ANTXR2: variants seen among roughly 807,000 people sequenced by gnomAD.
The protein encoded by ANTXR2 is ANTXR cell adhesion molecule 2.
Under a neutral mutation model 73.7 loss-of-function variants are expected in ANTXR2, and 44 were observed. The observed-to-expected ratio is 0.60, with a 90% CI of 0.47 to 0.77. The LOEUF (loss-of-function observed/expected upper bound fraction) is 0.77, where lower values mean the gene tolerates loss of function less well. Ranked by LOEUF, ANTXR2 falls within the 30% of genes least tolerant of loss-of-function variation. The probability of loss-of-function intolerance (pLI) is 0.00; values close to 1 mark genes in which losing one functional copy is unlikely to be tolerated. For missense variants in ANTXR2, 604 were observed against 592.5 expected, an observed-to-expected ratio of 1.02 and a Z score of -0.20; for synonymous variants, 217 against 205.9, an observed-to-expected ratio of 1.05 and a Z score of -0.46.
Position 80,035,990 on chromosome 4 carries a change from A to T in ANTXR2, c.679T>A (p.Ser227Thr). The change falls in exon 8 of 17, where the codon TCA becomes ACA. Residue 227 changes from serine to threonine, a missense_variant. By Grantham distance (58) the Ser-to-Thr change is moderately conservative. Coordinates refer to ENST00000403729, the MANE Select transcript of ANTXR2 (RefSeq NM_058172.6). Reference protein sequence around the residue: ...SCTEILELQPSSVCVGEEFQI... With the variant: ...SCTEILELQPTSVCVGEEFQI... Reference sequence around the variant, plus strand: ...CACTTACCCCCCACACAGACACTTGAGGGCTGCAATTCTAGGATTTCAGTA... The same window carrying T: ...CACTTACCCCCCACACAGACACTTGTGGGCTGCAATTCTAGGATTTCAGTA... The T allele has an allele frequency of 6.5e-7, 1 of 1,539,958 alleles. No homozygotes were observed.
chr4:80,042,949 GA>G (rs1733342310), intron 7 of ANTXR2, among the ~76,000 whole-genome samples: 1 of 152,036 alleles, frequency 6.6e-6, no homozygotes. Flanking sequence ...ATAAAGGTAT[GA>G]ACTTCCAGGA....
intron 7 of ANTXR2, among the ~76,000 whole-genome samples, chr4:80,047,966 T>C (rs1174477874): frequency 2.6e-5 from 4 of 151,662 alleles, no homozygotes; most frequent in African/African-American, 9.7e-5. Context: ...GAAACATAAA[T>C]ATGAGGATGA....
At chr4:79,972,768 G>T (rs1273475923) in intron 16 of ANTXR2, among the ~76,000 whole-genome samples, 2 of 11,044 alleles carry the variant, frequency 1.8e-4, no homozygotes, top group African/African-American at 3.5e-4. Flanking sequence ...TGGGGACTGT[G>T]GTGGGGTCGG....
In ANTXR2 at chr4:80,056,309, C is replaced by T. The variant is rs564046414; in HGVS notation, c.297-296G>A. On this transcript the variant is annotated intron_variant, in intron 3 of 16. Coordinates refer to ENST00000403729, the MANE Select transcript of ANTXR2 (RefSeq NM_058172.6). ...ACAGATATCTTCAATCACTCGTTTT[C>T]CTAAAAGGAGTAAAATATACCTTCC... Among the ~76,000 whole-genome samples, 9 of 151,916 alleles carry T rather than the reference C, an allele frequency of 5.9e-5. No homozygotes were observed. In the South Asian group the frequency reaches 1.9e-3, roughly 32 times the overall value.
intron 16 of ANTXR2, among the ~76,000 whole-genome samples, chr4:79,956,714 C>T (rs1399502271): frequency 6.6e-6 from 1 of 152,060 alleles, no homozygotes; most frequent in Non-Finnish European, 1.5e-5. Flanking sequence ...CCCTCAACAA[C>T]TACAATACCT....
intron 3 of ANTXR2, among the ~76,000 whole-genome samples, chr4:80,059,136 T>C (rs1212113669): frequency 2.6e-5 from 4 of 152,086 alleles, no homozygotes; most frequent in African/African-American, 7.2e-5. Flanking sequence ...CTTCTTTTTA[T>C]ATTTTATTAA....
intron 16 of ANTXR2, among the ~76,000 whole-genome samples, chr4:79,918,753 G>A (rs916819709): frequency 1.1e-4 from 17 of 151,858 alleles, no homozygotes; most frequent in African/African-American, 3.9e-4. Flanking sequence ...AAGAAATAGA[G>A]AAACAGAATA....
chr4:79,985,022 G>C (rs1436370198), intron 12 of ANTXR2, among the ~76,000 whole-genome samples, 159 bp from the exon 13 acceptor site: 1 of 152,058 alleles, frequency 6.6e-6, no homozygotes, highest in Non-Finnish European at 1.5e-5. Flanking sequence ...TTGAATCTTG[G>C]ATTGCCTGTA....
intron 12 of ANTXR2, among the ~76,000 whole-genome samples, chr4:79,995,364 C>A (rs1169997607): frequency 1.3e-5 from 2 of 151,620 alleles, no homozygotes; most frequent in African/African-American, 4.8e-5. Context: ...ATGTATAAGT[C>A]AAATATTGAG....
At chr4:80,028,346 C>G (rs1232746401) in intron 10 of ANTXR2, among the ~76,000 whole-genome samples, 2 of 152,084 alleles carry the variant, frequency 1.3e-5, no homozygotes, top group Non-Finnish European at 2.9e-5. Flanking sequence ...AGCTACTCGG[C>G]TACATTCTTA....
chr4:79,947,756 C>A (rs1728568675), intron 16 of ANTXR2, among the ~76,000 whole-genome samples: 1 of 152,090 alleles, frequency 6.6e-6, no homozygotes, highest in East Asian at 1.9e-4. Flanking sequence ...CTTTTAAGTA[C>A]CTTGTCAGTA....
At chr4:79,944,334 T>C (rs1728435775) in intron 16 of ANTXR2, among the ~76,000 whole-genome samples, 1 of 112,996 alleles carries the variant, frequency 8.8e-6, no homozygotes, top group Non-Finnish European at 1.8e-5. Flanking sequence ...TTGTTATCCA[T>C]TGTGACTAAA....
At chr4:79,913,986 T>C (rs541534651) in intron 16 of ANTXR2, among the ~76,000 whole-genome samples, 1 of 152,320 alleles carries the variant, frequency 6.6e-6, no homozygotes, top group South Asian at 2.1e-4. Flanking sequence ...GTAAACTATC[T>C]GTATATATAG....
Position 79,978,163 on chromosome 4 carries a change from A to G in ANTXR2, c.1191T>C (p.Gly397=). The change falls in exon 15 of 17, where the codon GGT becomes GGC. Residue 397 remains glycine, a synonymous_variant. Coordinates refer to ENST00000403729, the MANE Select transcript of ANTXR2 (RefSeq NM_058172.6). ...GGIKRMEVRW[G]DKGSTEEGAR... Reference sequence around the variant, plus strand: ...CACCTTCCTCAGTAGATCCTTTATCACCCCAACGAACCTGTAAAACAAAGG... The same window carrying G: ...CACCTTCCTCAGTAGATCCTTTATCGCCCCAACGAACCTGTAAAACAAAGG... The G allele has an allele frequency of 3.1e-6, 5 of 1,613,548 alleles. No homozygotes were observed. Among genetic ancestry groups the G allele is most frequent in the Non-Finnish European group, 4.2e-6 (5 of 1,179,734 alleles).
At chr4:79,959,204 A>C (rs1729052144) in intron 16 of ANTXR2, among the ~76,000 whole-genome samples, 1 of 152,100 alleles carries the variant, frequency 6.6e-6, no homozygotes, top group Non-Finnish European at 1.5e-5. Flanking sequence ...AAAATTAATC[A>C]TCCAAACTGA....
intron 12 of ANTXR2, among the ~76,000 whole-genome samples, chr4:79,987,012 G>A (rs1253520159): frequency 1.3e-5 from 2 of 152,172 alleles, no homozygotes; most frequent in African/African-American, 2.4e-5. Flanking sequence ...GGACAGCAAT[G>A]TCAAAAAGTA....
rs75703647 is a variant in ANTXR2 at position 80,011,598 on chromosome 4, G to A, written c.946-2982C>T. Among the ~76,000 whole-genome samples the A allele has an allele frequency of 8.0e-3, 1,219 of 152,198 alleles. 17 individuals carry two copies. Among genetic ancestry groups the A allele is most frequent in the African/African-American group, 0.028 (1,179 of 41,514 alleles). The stretch of plus-strand genomic sequence containing the variant: ...AACTGAGAAGCTTCTAGTTTCGCTC[G>A]TGATATAGATCTATATGTAATCAAA... On this transcript the variant is annotated intron_variant, in intron 11 of 16. Transcript: ENST00000403729.
chr4:80,072,678 A>G lies in ANTXR2; in HGVS notation c.-118T>C. The G allele has an allele frequency of 7.5e-7, 1 of 1,340,276 alleles. No homozygotes were observed. Among genetic ancestry groups the G allele is most frequent in the East Asian group, 3.1e-5 (1 of 32,210 alleles). 83.0% of individuals were successfully genotyped at this position (1,340,276 alleles called of 1,614,324 possible). On this transcript the variant is annotated 5_prime_UTR_variant, in exon 1 of 17. Transcript: ENST00000403729. ...TGGGGTGGGGGGCGGCGAGCAGCTG[A>G]GACGCCGGCGCCTGCGGCAGCGGGA...
At chr4:80,019,005 T>C in intron 10 of ANTXR2, 29 bp from the exon 11 acceptor site, 1 of 1,390,274 alleles carries the variant, frequency 7.2e-7, no homozygotes. Context: ...AATAATTTTA[T>C]ATACATTTAA....
Sources: gnomAD v4.1 joint callset for allele counts (sites outside exome capture counted in the v4.1 genomes callset) on GRCh38, gnomAD v4.1.1 for gene constraint, MANE v1.5 for transcripts, NCBI Gene and HGNC (gene_info 2026-07-23, HGNC 2026-07-21) for gene names.